Variants in LLGL2 observed in about 807,000 individuals in gnomAD.
The protein encoded by LLGL2 is LLGL scribble cell polarity complex component 2.
LLGL2 carries 81 observed loss-of-function variants against 123.2 expected under a neutral mutation model. That is an observed-to-expected ratio of 0.66 (90% confidence interval 0.55 to 0.79). The LOEUF (loss-of-function observed/expected upper bound fraction) is 0.79. Among genes scored for constraint, LLGL2 ranks in the 30% least tolerant of loss-of-function variants. The pLI is 0.00. For missense variants in LLGL2, 1,273 were observed against 1,414.6 expected (o/e 0.90, Z 1.61); for synonymous variants, 577 against 594.1 (o/e 0.97, Z 0.42).
chr17:75,550,583 G>C (rs568369190), intron 2 of LLGL2, among the ~76,000 whole-genome samples: 4 of 151,992 alleles, frequency 2.6e-5, no homozygotes, highest in Admixed American at 2.6e-4. Context: ...CCAGGAGTTC[G>C]AGACCAGCCT....
chr17:75,568,612 C>T lies in LLGL2; in HGVS notation c.1173C>T (p.His391=). 4 of 1,613,990 alleles carry T rather than the reference C, an allele frequency of 2.5e-6. No individual in the cohort carries two copies. Among genetic ancestry groups the T allele is most frequent in the Non-Finnish European group, 3.4e-6 (4 of 1,180,036 alleles). ...ACTGTTCCGCCATCACCTGCTCTCA[C>T]CACGTCTCCAACATCCCGCTGAAGC... ...SLHCSAITCS[H]HVSNIPLKLW... The change falls in exon 11 of 26, where the codon CAC becomes CAT. Residue 391 remains histidine, a synonymous_variant. Coordinates refer to ENST00000392550, the MANE Select transcript of LLGL2 (RefSeq NM_001031803.2).
chr17:75,550,078 A>G (rs2054598237), intron 2 of LLGL2, among the ~76,000 whole-genome samples: 1 of 152,210 alleles, frequency 6.6e-6, no homozygotes, highest in African/African-American at 2.4e-5. Flanking sequence ...CGGAGGCCCC[A>G]GTGGCTGCCA....
intron 1 of LLGL2, among the ~76,000 whole-genome samples, chr17:75,531,089 G>C (rs1208618655): frequency 6.6e-6 from 1 of 152,138 alleles, no homozygotes; most frequent in Non-Finnish European, 1.5e-5. Context: ...ACCCTGCTGG[G>C]TGGCAGGGCA....
At position 75,558,859 on chromosome 17, in the gene LLGL2, G is replaced by A. The variant is rs796299012; in HGVS notation, c.371+232G>A. ...CATCCGCACCCCACCTCCTCCATCC[G>A]CACCCCGCCTCCTCCATCCGCACCC... On this transcript the variant is annotated intron_variant, in intron 5 of 25. Coordinates refer to ENST00000392550, the MANE Select transcript of LLGL2 (RefSeq NM_001031803.2). This position sits in a 1 kb window ranked among gnomAD's most constrained non-coding sequence, Gnocchi z 4.0. 0.041 allele frequency: 10,584 copies of A among 256,624 alleles called. 1,008 individuals carry two copies. The highest frequency in any genetic ancestry group is 0.084 in the South Asian group (1,544 of 18,304). 15.9% of individuals were successfully genotyped at this position (256,624 alleles called of 1,614,324 possible). A position where few individuals can be genotyped will look rare whatever the true frequency, so the allele number is the denominator to read the frequency against.
At chr17:75,529,760 C>G (rs1310510908) in intron 1 of LLGL2, among the ~76,000 whole-genome samples, 3 of 151,802 alleles carry the variant, frequency 2.0e-5, no homozygotes, top group Admixed American at 2.0e-4. Context: ...ACTCAGGAGG[C>G]TGAGGCAGGA....
intron 20 of LLGL2, 67 bp from the exon 21 acceptor site, chr17:75,573,414 C>T (rs2055818507): frequency 2.5e-6 from 4 of 1,575,524 alleles, no homozygotes; most frequent in Non-Finnish European, 1.7e-6. Context: ...AGCCCCTACT[C>T]CCCCAGGTGG....
At chr17:75,527,167 C>CA (rs200100321) in intron 1 of LLGL2, among the ~76,000 whole-genome samples, 15,858 of 129,730 alleles carry the variant, frequency 0.12, 1,716 homozygotes, top group African/African-American at 0.29. Flanking sequence ...GACCCTGTCT[C>CA]AAAAAAAAAA....
In LLGL2 at chr17:75,559,212, T is replaced by G; in HGVS notation, c.372-40T>G. 2 of 1,548,004 alleles carry G rather than the reference T, an allele frequency of 1.3e-6. No homozygotes were observed. The highest frequency in any genetic ancestry group is 2.4e-5 in the South Asian group (2 of 82,072). ...ACCCCGTCCATGGCATCTCCCCTGCTGGGCAGTGGTCGGCTCACGGGCAGC... is the reference window on the plus strand; with the variant it reads ...ACCCCGTCCATGGCATCTCCCCTGCGGGGCAGTGGTCGGCTCACGGGCAGC... On this transcript the variant is annotated intron_variant, in intron 5 of 25. Coordinates refer to ENST00000392550, the MANE Select transcript of LLGL2 (RefSeq NM_001031803.2). This position sits in a 1 kb window ranked among gnomAD's most constrained non-coding sequence, Gnocchi z 4.6.
chr17:75,571,878 C>T lies in LLGL2; in HGVS notation c.2294-20C>T, dbSNP rs776860943. 41 of 1,610,360 alleles carry T rather than the reference C, an allele frequency of 2.5e-5. No individual in the cohort carries two copies. The Middle Eastern group carries it at 4.9e-4, about 19-fold the overall frequency. On this transcript the variant is annotated intron_variant, in intron 18 of 25. Coordinates refer to ENST00000392550, the MANE Select transcript of LLGL2 (RefSeq NM_001031803.2). ...CCTGCCACCCCCTCACCAGCCCCAA[C>T]ACCCACCTCCTCCCCCTAGCCAAGG... is the stretch of plus-strand genomic sequence containing the variant.
chr17:75,563,756 C>CTTTCCT lies in LLGL2; in HGVS notation c.833_838dup (p.Phe278_Pro279dup). The CTTTCCT allele has an allele frequency of 6.2e-7, 1 of 1,614,122 alleles. No individual in the cohort carries two copies. Among genetic ancestry groups the CTTTCCT allele is most frequent in the Non-Finnish European group, 8.5e-7 (1 of 1,180,036 alleles). ...AGCCGATTCCTTTCCTTTCAGGTCC[C>CTTTCCT]TTTCCTTGCAAAGCGATTACCAGAA... On this transcript the variant is annotated inframe_insertion, in exon 9 of 26. Coordinates refer to ENST00000392550, the MANE Select transcript of LLGL2 (RefSeq NM_001031803.2).
chr17:75,530,020 G>A (rs1295926867), intron 1 of LLGL2, among the ~76,000 whole-genome samples: 4 of 152,178 alleles, frequency 2.6e-5, no homozygotes, highest in Admixed American at 1.3e-4. Context: ...GATGAGAAAG[G>A]TCACTAGCAC....
At chr17:75,554,870 C>T (rs1457524244) in intron 2 of LLGL2, among the ~76,000 whole-genome samples, 1 of 142,646 alleles carries the variant, frequency 7.0e-6, no homozygotes, top group Admixed American at 7.3e-5. Context: ...GCCTGGGCGA[C>T]AGCGCAAGAC....
intron 14 of LLGL2, 73 bp from the exon 15 acceptor site, chr17:75,569,890 C>T: frequency 1.4e-6 from 2 of 1,480,544 alleles, no homozygotes; most frequent in Non-Finnish European, 1.8e-6. Flanking sequence ...CTTTGCTGTC[C>T]CCACTAGTAG....
At chr17:75,526,787 G>T (rs1598487095) in intron 1 of LLGL2, among the ~76,000 whole-genome samples, 1 of 152,280 alleles carries the variant, frequency 6.6e-6, no homozygotes, top group East Asian at 1.9e-4. Flanking sequence ...GGGAATGGGT[G>T]TGTCAAGGTG....
chr17:75,546,527 G>A (rs943867271), intron 2 of LLGL2, among the ~76,000 whole-genome samples: 1 of 152,142 alleles, frequency 6.6e-6, no homozygotes, highest in Non-Finnish European at 1.5e-5. Context: ...GTGGCTTGAG[G>A]TTGAGTTGGG....
At position 75,556,027 on chromosome 17, in the gene LLGL2, C is replaced by T; in HGVS notation, c.76-19C>T. 6 of 1,600,990 alleles carry T rather than the reference C, an allele frequency of 3.7e-6. No individual in the cohort carries two copies. The highest frequency in any genetic ancestry group is 5.1e-6 in the Non-Finnish European group (6 of 1,174,534). ...AGGGGACAGGTCTGCAGGCCCACCC[C>T]ACGTGCTTCTCGTTGCAGACGGTGG... On this transcript the variant is annotated intron_variant, in intron 2 of 25. Coordinates refer to ENST00000392550, the MANE Select transcript of LLGL2 (RefSeq NM_001031803.2).
intron 14 of LLGL2, 135 bp from the exon 15 acceptor site, chr17:75,569,828 A>G: frequency 1.2e-6 from 1 of 829,358 alleles, no homozygotes; most frequent in Non-Finnish European, 1.8e-6. Flanking sequence ...AATGCAGGAG[A>G]GCTGGGGTTG....
intron 6 of LLGL2, among the ~76,000 whole-genome samples, chr17:75,560,729 A>G (rs1056876955): frequency 7.7e-6 from 1 of 130,324 alleles, no homozygotes; most frequent in South Asian, 2.6e-4. Flanking sequence ...CAGGTGATTG[A>G]CCCGCCTCAG....
intron 10 of LLGL2, among the ~76,000 whole-genome samples, chr17:75,565,467 C>T (rs928555987): frequency 6.6e-6 from 1 of 152,204 alleles, no homozygotes; most frequent in South Asian, 2.1e-4. Context: ...TCTTTCTCAG[C>T]CTCTCCTCCC....
Sources: allele counts gnomAD v4.1 joint callset (sites outside exome capture counted in the v4.1 genomes callset), GRCh38; gene constraint gnomAD v4.1.1; non-coding constraint Gnocchi (gnomAD v3.1); transcripts MANE v1.5; gene names NCBI Gene and HGNC (gene_info 2026-07-23, HGNC 2026-07-21).